The following ZNF880 variants were observed in gnomAD, a reference collection of about 807,000 sequenced individuals.
ZNF880 encodes the protein zinc finger protein 880, also known as zinc finger protein LOC400713.
Under a neutral mutation model 11.8 loss-of-function variants are expected in ZNF880, and 12 were observed. The observed-to-expected ratio is 1.02, with a 90% CI of 0.65 to 1.65. The LOEUF is 1.65. Among genes scored for constraint, ZNF880 ranks in the 40% most tolerant of loss-of-function variants. ZNF880 has a pLI of 0.00. For missense variants in ZNF880, 601 were observed against 673.9 expected (o/e 0.89, Z 1.20); for synonymous variants, 210 against 232.4 (o/e 0.90, Z 0.88).
At chr19:52,383,808 T>A in intron 3 of ZNF880, 41 bp from the exon 4 acceptor site, 2 of 1,487,692 alleles carry the variant, frequency 1.3e-6, no homozygotes, top group South Asian at 2.8e-5. Context: ...GAACATGCCA[T>A]TGTCATGGGT....
At chr19:52,393,133 C>T in the ZNF880 span, among the ~76,000 whole-genome samples, 13 of 150,418 alleles carry the variant, frequency 8.6e-5, no homozygotes, top group Admixed American at 3.3e-4. Context: ...AGTACAGTGG[C>T]GCAATCTCGG....
chr19:52,383,711 A>G, intron 3 of ZNF880, 138 bp from the exon 4 acceptor site: 1 of 946,674 alleles, frequency 1.1e-6, no homozygotes, highest in African/African-American at 1.7e-5. Flanking sequence ...TGTTTTCTGC[A>G]CTGCCAGCAT....
chr19:52,383,602 C>A (rs574281958), intron 3 of ZNF880, among the ~76,000 whole-genome samples: 1 of 152,142 alleles, frequency 6.6e-6, no homozygotes, highest in Non-Finnish European at 1.5e-5. Context: ...CTTTCAATTT[C>A]TGTTGTATTT....
chr19:52,374,868 G>A (rs1045895011), intron 3 of ZNF880, among the ~76,000 whole-genome samples: 4 of 151,980 alleles, frequency 2.6e-5, no homozygotes, highest in African/African-American at 9.7e-5. Context: ...CCAAGTCACT[G>A]GGACTGTAGG....
Position 52,384,632 on chromosome 19 carries a change from T to G in ZNF880, c.1052T>G (p.Leu351Arg). ...CTTGTAATTCACACTGGAGAGAAAC[T>G]TTACAAATGTAATAAATGTGGCAAG... ...AHLVIHTGEK[L>R]YKCNKCGKVF... The change falls in exon 4 of 4, where the codon CTT (leucine) becomes CGT (arginine). Residue 351 changes from leucine (L) to arginine (R), a missense_variant. By Grantham distance (102) the Leu-to-Arg change is moderately radical (BLOSUM62 -2). This residue lies in a region of ZNF880 where 420 missense variants were observed against 442.6 expected (regional missense o/e 0.95). Coordinates refer to ENST00000422689, the MANE Select transcript of ZNF880 (RefSeq NM_001145434.2). 1 of 1,607,156 alleles carries G rather than the reference T, an allele frequency of 6.2e-7. No homozygotes were observed.
At position 52,374,298 on chromosome 19, in the gene ZNF880, G is replaced by A; in HGVS notation, c.140-1G>A. Reference sequence around the variant, plus strand: ...TTGATATTCTTTCTTTTTTTAAATAGGAATCTGTCTTCCTGACCTGAGTGT... The same window carrying A: ...TTGATATTCTTTCTTTTTTTAAATAAGAATCTGTCTTCCTGACCTGAGTGT... On this transcript the variant is annotated splice_acceptor_variant, in intron 2 of 3. Coordinates refer to ENST00000422689, the MANE Select transcript of ZNF880 (RefSeq NM_001145434.2). LOFTEE classifies it high-confidence loss of function. 1 of 1,611,150 alleles carries A rather than the reference G, an allele frequency of 6.2e-7. No homozygotes were observed. Among genetic ancestry groups the A allele is most frequent in the Non-Finnish European group, 8.5e-7 (1 of 1,179,062 alleles).
At chr19:52,367,004 GTATAGCATATTCTTGAGTAGGATTCACA>G, upstream of ZNF880, 1 of 448,766 alleles carries the variant, frequency 2.2e-6, no homozygotes, top group Non-Finnish European at 3.9e-6. Flanking sequence ...AAAACTACCA[GTATAGCATATTCTTGAGTAGGATTCACA>G]TTTAACTGCT....
chr19:52,393,550 T>C, the ZNF880 span, among the ~76,000 whole-genome samples: 1 of 152,184 alleles, frequency 6.6e-6, no homozygotes, highest in African/African-American at 2.4e-5. Flanking sequence ...ACCAATCTTT[T>C]GTTGTTGTTG....
At chr19:52,386,543 C>T (rs1674075447), downstream of ZNF880, among the ~76,000 whole-genome samples, 1 of 143,610 alleles carries the variant, frequency 7.0e-6, no homozygotes, top group South Asian at 2.2e-4. Context: ...TGGCTCACAC[C>T]TGTAATCCCA....
rs557722584 is a variant in ZNF880, at chr19:52,384,049, A to T, written c.469A>T (p.Ile157Phe). The T allele has an allele frequency of 6.4e-7, 1 of 1,561,692 alleles. No individual in the cohort carries two copies. The highest frequency in any genetic ancestry group is 1.2e-5 in the South Asian group (1 of 85,248). ...AATTTATTCTAGTGTCAAATCCCAC[A>T]TTTTAAATAAATACAGAAATGATTT... ...QKIYSSVKSH[I>F]LNKYRNDFDD... The change falls in exon 4 of 4, where the codon ATT becomes TTT. Residue 157 changes from isoleucine (I) to phenylalanine (F), a missense_variant. By Grantham distance (21) the Ile-to-Phe change is conservative. Coordinates refer to ENST00000422689, the MANE Select transcript of ZNF880 (RefSeq NM_001145434.2).
intron 3 of ZNF880, among the ~76,000 whole-genome samples, chr19:52,382,205 AG>A (rs1010938358): frequency 6.6e-6 from 1 of 152,000 alleles, no homozygotes; most frequent in African/African-American, 2.4e-5. Flanking sequence ...TGAGCTTGGG[AG>A]GGGGAGGTTG....
rs1023441540 is a variant in ZNF880, at chr19:52,384,509, A to G, written c.929A>G (p.His310Arg). The G allele has an allele frequency of 1.1e-5, 17 of 1,613,884 alleles. No individual in the cohort carries two copies. Among genetic ancestry groups the G allele is most frequent in the Non-Finnish European group, 1.4e-5 (17 of 1,179,928 alleles). Reference protein sequence around the residue: ...ECGKVFNRNAHLARHQKIHSG... With the variant: ...ECGKVFNRNARLARHQKIHSG... ...GGCAAGGTCTTCAACAGAAATGCAC[A>G]CCTTGCACGACATCAGAAAATTCAT... Residue 310 changes from histidine to arginine, a missense_variant, in exon 4 of 4, where the codon CAC (histidine) becomes CGC (arginine). Around this residue, in one of 3 missense-constraint regions of ZNF880, gnomAD observed 420 missense variants for 442.6 expected, o/e 0.95. Coordinates refer to ENST00000422689, the MANE Select transcript of ZNF880 (RefSeq NM_001145434.2).
chr19:52,380,918 T>C (rs1018127549), intron 3 of ZNF880, among the ~76,000 whole-genome samples: 1 of 152,064 alleles, frequency 6.6e-6, no homozygotes, highest in Non-Finnish European at 1.5e-5. Flanking sequence ...GGATCAGTGA[T>C]CTTCCCACCT....
At chr19:52,375,337 C>A (rs1391184187) in intron 3 of ZNF880, among the ~76,000 whole-genome samples, 1 of 151,606 alleles carries the variant, frequency 6.6e-6, no homozygotes, top group African/African-American at 2.4e-5. Context: ...CAGGCGTGCA[C>A]CACCAAGCCT....
chr19:52,370,912 C>A (rs1986348212), intron 1 of ZNF880, among the ~76,000 whole-genome samples: 2 of 152,236 alleles, frequency 1.3e-5, no homozygotes, highest in South Asian at 2.1e-4. Context: ...GCACTGCAAC[C>A]TGGACACATT....
chr19:52,377,513 C>T (rs324087), intron 3 of ZNF880, among the ~76,000 whole-genome samples: 91,292 of 151,946 alleles, frequency 0.6, 27,611 homozygotes, highest in South Asian at 0.69. Context: ...AGGCAAAGGG[C>T]TGAGTTCCCA....
chr19:52,374,497 C>T, intron 3 of ZNF880, 70 bp downstream of exon 3: 2 of 1,527,594 alleles, frequency 1.3e-6, no homozygotes, highest in Non-Finnish European at 1.8e-6. Context: ...CTTGCTCTGT[C>T]ACCCAGGCTG....
chr19:52,392,445 C>T, the ZNF880 span, among the ~76,000 whole-genome samples: 28 of 152,128 alleles, frequency 1.8e-4, no homozygotes, highest in Non-Finnish European at 2.4e-4. Flanking sequence ...GGATTACAGG[C>T]GTCCACCACC....
At chr19:52,378,224 T>C (rs1986609019) in intron 3 of ZNF880, among the ~76,000 whole-genome samples, 1 of 152,158 alleles carries the variant, frequency 6.6e-6, no homozygotes, top group Admixed American at 6.5e-5. Flanking sequence ...ATGTATGCAT[T>C]TCTTATTTTA....
Sources: gnomAD v4.1 joint callset for allele counts (sites outside exome capture counted in the v4.1 genomes callset) on GRCh38, gnomAD v4.1.1 for gene constraint, gnomAD v4.1.1 regional missense constraint, MANE v1.5 for transcripts, NCBI Gene and HGNC (gene_info 2026-07-23, HGNC 2026-07-21) for gene names.